HTR6: variants seen among roughly 807,000 people sequenced by gnomAD.
The protein encoded by HTR6 is 5-hydroxytryptamine receptor 6, also known as 5-hydroxytryptamine (serotonin) receptor 6, G protein-coupled.
A neutral mutation model predicts 17.4 loss-of-function variants in HTR6; 15 were observed. The observed-to-expected ratio is 0.86, with a 90% CI of 0.58 to 1.33. The LOEUF is 1.33. HTR6 is among the 40% of genes most tolerant of loss of function. The pLI is 0.00. For missense variants in HTR6, 578 were observed against 616.0 expected, an observed-to-expected ratio of 0.94 and a Z score of 0.65; for synonymous variants, 326 against 295.5, an observed-to-expected ratio of 1.10 and a Z score of -1.06.
At position 19,679,031 on chromosome 1, in the gene HTR6, G is replaced by A. The variant is rs760097478; in HGVS notation, c.986G>A (p.Arg329Gln). ...CCACTCTTCATGCGGGACTTCAAGC[G>A]GGCGCTGGGCAGGTTCCTGCCATGT... ...IYPLFMRDFK[R>Q]ALGRFLPCPR... Residue 329 changes from arginine to glutamine, a missense_variant, in exon 3 of 3, where the codon CGG (arginine) becomes CAG (glutamine). Arg to Gln is a conservative substitution (Grantham distance 43). Transcript: ENST00000289753. The surrounding 1 kb of genome is among the most constrained non-coding windows in gnomAD (Gnocchi z 4.9). 7 of 1,614,000 alleles carry A rather than the reference G, an allele frequency of 4.3e-6. No homozygotes were observed. Among genetic ancestry groups the A allele is most frequent in the Admixed American group, 1.7e-5 (1 of 59,996 alleles).
chr1:19,674,683 G>A (rs2095092173), intron 1 of HTR6, among the ~76,000 whole-genome samples: 1 of 152,228 alleles, frequency 6.6e-6, no homozygotes, highest in Non-Finnish European at 1.5e-5. Flanking sequence ...TGAGATTATA[G>A]GCGTGAGCCA....
At chr1:19,670,536 C>T (rs1487592069) in intron 1 of HTR6, among the ~76,000 whole-genome samples, 1 of 150,328 alleles carries the variant, frequency 6.7e-6, no homozygotes, top group African/African-American at 2.5e-5. Flanking sequence ...GTGATCTTGG[C>T]CCACTGCAAC....
At position 19,666,063 on chromosome 1, in the gene HTR6, G is replaced by T. The variant is rs1401137870; in HGVS notation, c.310G>T (p.Ala104Ser). The T allele has an allele frequency of 1.9e-6, 3 of 1,613,144 alleles. No individual in the cohort carries two copies. Among genetic ancestry groups the T allele is most frequent in the Non-Finnish European group, 1.7e-6 (2 of 1,179,822 alleles). The stretch of plus-strand genomic sequence containing the variant: ...GCGCGGCCTCTGCCTGCTCTGGACC[G>T]CCTTCGACGTGATGTGCTGCAGCGC... ...LARGLCLLWT[A>S]FDVMCCSASI... is the part of the protein sequence containing the mutation. Residue 104 changes from alanine (A) to serine (S), a missense_variant, in exon 1 of 3, where the codon GCC becomes TCC. Ala to Ser is a moderately conservative substitution (Grantham distance 99). Coordinates refer to ENST00000289753, the MANE Select transcript of HTR6 (RefSeq NM_000871.3). The surrounding 1 kb of genome is among the most constrained non-coding windows in gnomAD (Gnocchi z 4.5).
At chr1:19,676,001 C>A (rs1360701351) in intron 1 of HTR6, among the ~76,000 whole-genome samples, 1 of 152,076 alleles carries the variant, frequency 6.6e-6, no homozygotes, top group Non-Finnish European at 1.5e-5. Flanking sequence ...AGAGCATCCT[C>A]TAGTCATAGC....
rs1030271199 is a variant in HTR6 at position 19,679,757 on chromosome 1, A to T, written c.*389A>T. Reference sequence around the variant, plus strand: ...GCAGGCATGGATTAATGCTGGGCTGAACCCCTTGCTACTCACAGTGTAGTC... The same window carrying T: ...GCAGGCATGGATTAATGCTGGGCTGTACCCCTTGCTACTCACAGTGTAGTC... On this transcript the variant is annotated 3_prime_UTR_variant, in exon 3 of 3. Transcript: ENST00000289753. This position sits in a 1 kb window ranked among gnomAD's most constrained non-coding sequence, Gnocchi z 4.9. Among the ~76,000 whole-genome samples, 8 of 152,210 alleles carry T rather than the reference A, an allele frequency of 5.3e-5. No homozygotes were observed. Among genetic ancestry groups the T allele is most frequent in the African/African-American group, 1.9e-4 (8 of 41,460 alleles).
At chr1:19,675,959 C>T (rs2095093873) in intron 1 of HTR6, among the ~76,000 whole-genome samples, 1 of 152,120 alleles carries the variant, frequency 6.6e-6, no homozygotes, top group South Asian at 2.1e-4. Flanking sequence ...GACTTTGGAG[C>T]AGACTCGTGT....
rs1008917432 is a variant in HTR6 at position 19,665,136 on chromosome 1, C to A, written c.-618C>A. On this transcript the variant is annotated 5_prime_UTR_variant, in exon 1 of 3. Transcript: ENST00000289753. The surrounding 1 kb of genome is among the most constrained non-coding windows in gnomAD (Gnocchi z 4.2). ...TTCCCGCGGGGCCTGGCGGCCCCGGCGAACCCCCGCGCCGCACAGGCCGTG... is the reference window on the plus strand; with the variant it reads ...TTCCCGCGGGGCCTGGCGGCCCCGGAGAACCCCCGCGCCGCACAGGCCGTG... Among the ~76,000 whole-genome samples, 1 of 151,764 alleles carries A rather than the reference C, an allele frequency of 6.6e-6. No individual in the cohort carries two copies. Among genetic ancestry groups the A allele is most frequent in the Non-Finnish European group, 1.5e-5 (1 of 67,844 alleles).
In HTR6 at chr1:19,665,799, G is replaced by C. The variant is rs756153475; in HGVS notation, c.46G>C (p.Gly16Arg). 6.6e-7 allele frequency: 1 copy of C among 1,516,560 alleles called. No homozygotes were observed. The highest frequency in any genetic ancestry group is 8.8e-7 in the Non-Finnish European group (1 of 1,141,454). The allele number at this position is 1,516,560 out of a possible 1,614,324, so 93.9% of individuals were successfully genotyped here. A position where few individuals can be genotyped will look rare whatever the true frequency, so the allele number is the denominator to read the frequency against. ...GPTANSTPAW[G>R]AGPPSAPGGS... ...AACCGCCAATAGCACCCCGGCCTGG[G>C]GGGCAGGGCCGCCGTCGGCCCCGGG... is the stretch of plus-strand genomic sequence containing the variant. The change falls in exon 1 of 3, where the codon GGG (glycine) becomes CGG (arginine). Residue 16 changes from glycine to arginine, a missense_variant. Transcript: ENST00000289753. The surrounding 1 kb of genome is among the most constrained non-coding windows in gnomAD (Gnocchi z 4.2).
Position 19,665,797 on chromosome 1 carries a change from G to C in HTR6, c.44G>C (p.Trp15Ser). 2.0e-6 allele frequency: 3 copies of C among 1,515,040 alleles called. No individual in the cohort carries two copies. Among genetic ancestry groups the C allele is most frequent in the Non-Finnish European group, 2.6e-6 (3 of 1,140,480 alleles). The allele number at this position is 1,515,040 out of a possible 1,614,324, so 93.8% of individuals were successfully genotyped here. The change falls in exon 1 of 3, where the codon TGG becomes TCG. Residue 15 changes from tryptophan to serine, a missense_variant. Trp to Ser is a radical substitution (Grantham distance 177). Transcript: ENST00000289753. The surrounding 1 kb of genome is among the most constrained non-coding windows in gnomAD (Gnocchi z 4.2). ...PGPTANSTPA[W>S]GAGPPSAPGG... ...CCAACCGCCAATAGCACCCCGGCCT[G>C]GGGGGCAGGGCCGCCGTCGGCCCCG...
At chr1:19,678,539 C>T (rs201938771) in intron 1 of HTR6, 28 bp from the exon 2 acceptor site, 38 of 1,611,786 alleles carry the variant, frequency 2.4e-5, no homozygotes, top group South Asian at 6.6e-5. Flanking sequence ...CCTTTCTCAA[C>T]GGACTCATGT....
At position 19,666,426 on chromosome 1, in the gene HTR6, C is replaced by T; in HGVS notation, c.673C>T (p.Leu225Phe). 1.2e-6 allele frequency: 2 copies of T among 1,612,998 alleles called. No homozygotes were observed. The highest frequency in any genetic ancestry group is 1.7e-6 in the Non-Finnish European group (2 of 1,179,832). Residue 225 changes from leucine (L) to phenylalanine (F), a missense_variant, in exon 1 of 3, where the codon CTC becomes TTC. Coordinates refer to ENST00000289753, the MANE Select transcript of HTR6 (RefSeq NM_000871.3). This position sits in a 1 kb window ranked among gnomAD's most constrained non-coding sequence, Gnocchi z 4.5. ...CAAGCAGGCCGTGCAGGTGGCCTCC[C>T]TCACCACCGGCATGGCCAGTCAGGC... is the stretch of plus-strand genomic sequence containing the variant. ...ARKQAVQVAS[L>F]TTGMASQASE...
In HTR6 at chr1:19,679,324, G is replaced by A. The variant is rs1235805550; in HGVS notation, c.1279G>A (p.Glu427Lys). The change falls in exon 3 of 3, where the codon GAG (glutamate) becomes AAG (lysine). Residue 427 changes from glutamate to lysine, a missense_variant. Glu to Lys is a moderately conservative substitution (Grantham distance 56). Transcript: ENST00000289753. The surrounding 1 kb of genome is among the most constrained non-coding windows in gnomAD (Gnocchi z 4.9). ...AVNFFNIDPA[E>K]PELRPHPLGI... Reference sequence around the variant, plus strand: ...CAATTTCTTCAACATCGACCCCGCGGAGCCCGAGCTGCGGCCGCATCCACT... The same window carrying A: ...CAATTTCTTCAACATCGACCCCGCGAAGCCCGAGCTGCGGCCGCATCCACT... 4 of 1,603,416 alleles carry A rather than the reference G, an allele frequency of 2.5e-6. No homozygotes were observed. The highest frequency in any genetic ancestry group is 1.1e-5 in the South Asian group (1 of 90,514).
At chr1:19,667,937 A>G (rs1023816170) in intron 1 of HTR6, among the ~76,000 whole-genome samples, 1 of 152,160 alleles carries the variant, frequency 6.6e-6, no homozygotes, top group African/African-American at 2.4e-5. Flanking sequence ...TGGGGGTTGC[A>G]TTGGAGGTCA....
rs2095097862 is a variant in HTR6, at chr1:19,678,937, T to C, written c.892T>C (p.Ser298Pro). 1 of 1,602,446 alleles carries C rather than the reference T, an allele frequency of 6.2e-7. No individual in the cohort carries two copies. Among genetic ancestry groups the C allele is most frequent in the South Asian group, 1.1e-5 (1 of 90,662 alleles). Reference protein sequence around the residue: ...NIVQAVCDCISPGLFDVLTWL... With the variant: ...NIVQAVCDCIPPGLFDVLTWL... ...CCCCCAGGCCGTGTGCGACTGCATC[T>C]CCCCAGGCCTCTTCGATGTCCTCAC... Residue 298 changes from serine (S) to proline (P), a missense_variant, in exon 3 of 3, where the codon TCC (serine) becomes CCC (proline). Ser to Pro is a moderately conservative substitution (Grantham distance 74). Transcript: ENST00000289753.
chr1:19,666,145 C>G lies in HTR6; in HGVS notation c.392C>G (p.Pro131Arg). 6.2e-7 allele frequency: 1 copy of G among 1,611,890 alleles called. No individual in the cohort carries two copies. The highest frequency in any genetic ancestry group is 8.5e-7 in the Non-Finnish European group (1 of 1,179,894). ...SLDRYLLILS[P>R]LRYKLRMTPL... The stretch of plus-strand genomic sequence containing the variant: ...GACCGCTACCTGCTCATCCTCTCGC[C>G]GCTGCGCTACAAGCTGCGCATGACG... Residue 131 changes from proline (P) to arginine (R), a missense_variant, in exon 1 of 3, where the codon CCG becomes CGG. By Grantham distance (103) the Pro-to-Arg change is moderately radical. Transcript: ENST00000289753. This position sits in a 1 kb window ranked among gnomAD's most constrained non-coding sequence, Gnocchi z 4.5.
intron 1 of HTR6, among the ~76,000 whole-genome samples, chr1:19,667,166 G>GGCTT (rs2095082633): frequency 6.6e-6 from 1 of 152,070 alleles, no homozygotes; most frequent in Non-Finnish European, 1.5e-5. Flanking sequence ...GAAGGCACTG[G>GGCTT]GCTTACTTCT....
rs562351659 is a variant in HTR6 at position 19,665,285 on chromosome 1, G to A, written c.-469G>A. ...CCACCGGCCGCGGGGAGCCTGCTCCGGCCCGAGAGCGCCCATTCACCCCCC... is the reference window on the plus strand; with the variant it reads ...CCACCGGCCGCGGGGAGCCTGCTCCAGCCCGAGAGCGCCCATTCACCCCCC... On this transcript the variant is annotated 5_prime_UTR_variant, in exon 1 of 3. Coordinates refer to ENST00000289753, the MANE Select transcript of HTR6 (RefSeq NM_000871.3). This position sits in a 1 kb window ranked among gnomAD's most constrained non-coding sequence, Gnocchi z 4.2. 6.4e-6 allele frequency: 1 copy of A among 155,558 alleles called. No individual in the cohort carries two copies. The highest frequency in any genetic ancestry group is 2.1e-4 in the South Asian group (1 of 4,854). 9.6% of individuals were successfully genotyped at this position (155,558 alleles called of 1,614,324 possible). A position where few individuals can be genotyped will look rare whatever the true frequency, so the allele number is the denominator to read the frequency against.
chr1:19,666,577 T>C lies in HTR6; in HGVS notation c.714+110T>C. 1.2e-6 allele frequency: 1 copy of C among 800,880 alleles called. No individual in the cohort carries two copies. Among genetic ancestry groups the C allele is most frequent in the South Asian group, 1.8e-5 (1 of 54,728 alleles). The allele number at this position is 800,880 out of a possible 1,614,324, so 49.6% of individuals were successfully genotyped here. A position where few individuals can be genotyped will look rare whatever the true frequency, so the allele number is the denominator to read the frequency against. ...GCACACATTTGCTCATGGCCCTGCG[T>C]GGCTGTTGTGAGCGCCCACCTTTCT... On this transcript the variant is annotated intron_variant, in intron 1 of 2. Transcript: ENST00000289753. This position sits in a 1 kb window ranked among gnomAD's most constrained non-coding sequence, Gnocchi z 4.5.
chr1:19,678,522 CG>C (rs1332288452), intron 1 of HTR6, 44 bp from the exon 2 acceptor site: 3 of 1,609,188 alleles, frequency 1.9e-6, no homozygotes, highest in Non-Finnish European at 1.7e-6. Flanking sequence ...CAGGGTCAGA[CG>C]GGGGCCCTTT....
Sources: gnomAD v4.1 joint callset for allele counts (sites outside exome capture counted in the v4.1 genomes callset) on GRCh38, gnomAD v4.1.1 for gene constraint, Gnocchi (gnomAD v3.1) non-coding constraint, MANE v1.5 for transcripts, NCBI Gene and HGNC (gene_info 2026-07-23, HGNC 2026-07-21) for gene names.